Variants in ROBO2 observed in about 807,000 individuals in gnomAD.
The protein encoded by ROBO2 is roundabout guidance receptor 2, also known as roundabout homolog 2.
A neutral mutation model predicts 160.8 loss-of-function variants in ROBO2; 53 were observed. The observed-to-expected ratio is 0.33, with a 90% CI of 0.26 to 0.41. ROBO2 has a LOEUF of 0.41. ROBO2 is among the 10% of genes least tolerant of loss of function. The pLI is 1.00. For missense variants in ROBO2, 1,577 were observed against 1,722.4 expected, an observed-to-expected ratio of 0.92 and a Z score of 1.49; for synonymous variants, 664 against 611.7, an observed-to-expected ratio of 1.09 and a Z score of -1.26.
chr3:77,239,144 G>A (rs778762537), intron 2 of ROBO2, among the ~76,000 whole-genome samples: 1 of 152,072 alleles, frequency 6.6e-6, no homozygotes, highest in Admixed American at 6.5e-5. Flanking sequence ...GGACCCTCAC[G>A]GTGAGTGTTA....
rs532190264 is a variant in ROBO2 at position 76,410,601 on chromosome 3, T to C, written c.109+472999T>C. On this transcript the variant is annotated intron_variant, in intron 2 of 26. Transcript: ENST00000487694. The stretch of plus-strand genomic sequence containing the variant: ...CTATTTTTAATCTTTCTTTGCCTTA[T>C]TTTTGCATCAAAATACTTTTTAGTT... Among the ~76,000 whole-genome samples the C allele has an allele frequency of 8.5e-4, 129 of 152,270 alleles. 1 individual carries two copies. The highest frequency in any genetic ancestry group is 3.0e-3 in the African/African-American group (123 of 41,576).
intron 4 of ROBO2, among the ~76,000 whole-genome samples, chr3:77,490,140 T>G (rs1302039178): frequency 6.8e-6 from 1 of 146,692 alleles, no homozygotes; most frequent in Non-Finnish European, 1.5e-5. Flanking sequence ...TCGCTCTGTC[T>G]CCCAGGCTGG....
chr3:76,937,099 C>G (rs2077754633), intron 2 of ROBO2, among the ~76,000 whole-genome samples: 1 of 152,096 alleles, frequency 6.6e-6, no homozygotes, highest in African/African-American at 2.4e-5. Flanking sequence ...TTAGTAAACA[C>G]CACAAGTGAA....
chr3:76,249,077 A>G (rs554178170), intron 2 of ROBO2, among the ~76,000 whole-genome samples: 2 of 152,276 alleles, frequency 1.3e-5, no homozygotes, highest in South Asian at 4.1e-4. Context: ...GGTGATGTAC[A>G]TGTGCACATC....
chr3:76,763,963 T>C (rs563299222), intron 2 of ROBO2, among the ~76,000 whole-genome samples: 9 of 151,912 alleles, frequency 5.9e-5, no homozygotes, highest in African/African-American at 2.2e-4. Flanking sequence ...TTTTGAGATA[T>C]AAACAAAATC....
At chr3:76,654,781 C>T (rs2109942781) in intron 2 of ROBO2, among the ~76,000 whole-genome samples, 1 of 151,588 alleles carries the variant, frequency 6.6e-6, no homozygotes, top group South Asian at 2.1e-4. Context: ...AGTTCTTGTG[C>T]TAGTAGTATA....
chr3:77,463,500 T>C (rs193123999), intron 2 of ROBO2, among the ~76,000 whole-genome samples: 7 of 152,148 alleles, frequency 4.6e-5, no homozygotes, highest in Admixed American at 4.6e-4. Flanking sequence ...GCATAGTAAT[T>C]GATTGACCCC....
At chr3:76,451,948 T>C (rs2077495821) in intron 2 of ROBO2, among the ~76,000 whole-genome samples, 1 of 152,170 alleles carries the variant, frequency 6.6e-6, no homozygotes, top group South Asian at 2.1e-4. Context: ...TTATTTCTCT[T>C]TCTTTATGTT....
intron 2 of ROBO2, among the ~76,000 whole-genome samples, chr3:76,204,426 A>G (rs1702703890): frequency 6.6e-6 from 1 of 152,190 alleles, no homozygotes; most frequent in Non-Finnish European, 1.5e-5. Flanking sequence ...CTATTTCACA[A>G]AATAGTATGA....
intron 24 of ROBO2, chr3:77,642,868 A>C: frequency 2.2e-6 from 1 of 456,708 alleles, no homozygotes; most frequent in South Asian, 1.5e-5. Flanking sequence ...GCAGCGACAA[A>C]CCCAGGAATG....
intron 2 of ROBO2, among the ~76,000 whole-genome samples, chr3:76,774,717 CTA>C (rs1348709839): frequency 6.7e-6 from 1 of 150,268 alleles, no homozygotes; most frequent in East Asian, 2.0e-4. Context: ...TGAAAGAAAT[CTA>C]TGTTTTTAAA....
chr3:76,049,735 G>T (rs778876387), intron 2 of ROBO2, among the ~76,000 whole-genome samples: 3 of 151,892 alleles, frequency 2.0e-5, no homozygotes, highest in Non-Finnish European at 4.4e-5. Context: ...TCTGTAACTT[G>T]TGCCACTTTT....
Position 76,834,082 on chromosome 3 carries a change from C to CTTTCT in ROBO2, c.110-263929_110-263925dup, listed in dbSNP as rs1553651246. Reference sequence around the variant, plus strand: ...CTTTCTTTTCTTTCTTTCTTTCTTTCTTTCTTTCTTTCTTTCTTTCTTTCT... The same window carrying CTTTCT: ...CTTTCTTTTCTTTCTTTCTTTCTTTCTTTCTTTTCTTTCTTTCTTTCTTTCTTTCT... On this transcript the variant is annotated intron_variant, in intron 2 of 26. Transcript: ENST00000487694. Among the ~76,000 whole-genome samples the CTTTCT allele has an allele frequency of 3.8e-5, 4 of 104,384 alleles. 1 individual carries two copies. The highest frequency in any genetic ancestry group is 4.0e-5 in the Non-Finnish European group (2 of 50,560). 68.5% of individuals were successfully genotyped at this position (104,384 alleles called of 152,430 possible).
intron 2 of ROBO2, among the ~76,000 whole-genome samples, chr3:76,551,843 G>A (rs1301261619): frequency 1.3e-5 from 2 of 152,132 alleles, no homozygotes; most frequent in Non-Finnish European, 2.9e-5. Flanking sequence ...CAGCCAGTAT[G>A]CCTGGCTGTG....
chr3:77,146,535 A>T (rs1352190554), intron 2 of ROBO2, among the ~76,000 whole-genome samples: 1 of 152,222 alleles, frequency 6.6e-6, no homozygotes, highest in East Asian at 1.9e-4. Flanking sequence ...ATAGAGAATT[A>T]TAAATCAGAT....
intron 1 of ROBO2, among the ~76,000 whole-genome samples, chr3:75,907,308 C>T (rs1374164418): frequency 6.6e-6 from 1 of 152,054 alleles, no homozygotes; most frequent in Non-Finnish European, 1.5e-5. Context: ...GCCTCATGCC[C>T]AATTTTCCAA....
chr3:77,115,338 A>T (rs1449654184), intron 2 of ROBO2, among the ~76,000 whole-genome samples: 1 of 152,220 alleles, frequency 6.6e-6, no homozygotes, highest in East Asian at 1.9e-4. Flanking sequence ...GTACTCAGAA[A>T]ATAGGAGTCA....
At chr3:76,241,859 C>A (rs1342604544) in intron 2 of ROBO2, among the ~76,000 whole-genome samples, 1 of 152,066 alleles carries the variant, frequency 6.6e-6, no homozygotes, top group Admixed American at 6.5e-5. Flanking sequence ...TTATCATTGG[C>A]TCCAATGGAT....
intron 2 of ROBO2, among the ~76,000 whole-genome samples, chr3:76,135,345 AC>A (rs1434600105): frequency 1.3e-5 from 2 of 152,048 alleles, no homozygotes; most frequent in African/African-American, 4.8e-5. Context: ...TAGGCTGAAA[AC>A]AGATCAGTAA....
Sources: allele counts gnomAD v4.1 joint callset (sites outside exome capture counted in the v4.1 genomes callset), GRCh38; gene constraint gnomAD v4.1.1; transcripts MANE v1.5; gene names NCBI Gene and HGNC (gene_info 2026-07-23, HGNC 2026-07-21).